FSTL5: variants seen among roughly 807,000 people sequenced by gnomAD.
FSTL5 encodes follistatin-related protein 5.
Under a neutral mutation model 89.1 loss-of-function variants are expected in FSTL5, and 62 were observed. The ratio of observed to expected loss-of-function variants is 0.70; its 90% confidence interval spans 0.57 to 0.86. The LOEUF is 0.86. FSTL5 is among the 40% of genes least tolerant of loss of function. The pLI is 0.00. For synonymous variants in FSTL5, 383 were observed against 346.2 expected (o/e 1.11, Z -1.18); for missense variants, 1,057 against 1,001.6 (o/e 1.06, Z -0.75).
At chr4:162,117,710 A>G (rs1731696056) in intron 1 of FSTL5, among the ~76,000 whole-genome samples, 1 of 152,228 alleles carries the variant, frequency 6.6e-6, no homozygotes, top group African/African-American at 2.4e-5. Context: ...CTGAATTGCT[A>G]CCTGGCTATT....
intron 4 of FSTL5, among the ~76,000 whole-genome samples, chr4:161,843,252 T>C (rs1731266430): frequency 6.6e-6 from 1 of 152,208 alleles, no homozygotes; most frequent in Non-Finnish European, 1.5e-5. Flanking sequence ...ATATGGGCTC[T>C]TTTTTAGTTC....
chr4:161,837,469 G>T (rs1731083409), intron 4 of FSTL5, among the ~76,000 whole-genome samples: 1 of 152,070 alleles, frequency 6.6e-6, no homozygotes, highest in Non-Finnish European at 1.5e-5. Flanking sequence ...TTGAAATTAG[G>T]GGAAAGTGTC....
chr4:161,971,490 T>G (rs968950759), intron 3 of FSTL5, among the ~76,000 whole-genome samples: 1 of 152,156 alleles, frequency 6.6e-6, no homozygotes, highest in Non-Finnish European at 1.5e-5. Context: ...TCCCAGAGAA[T>G]ACATTCTCAT....
At chr4:162,146,727 C>T (rs554314022) in intron 1 of FSTL5, among the ~76,000 whole-genome samples, 67 of 139,126 alleles carry the variant, frequency 4.8e-4, no homozygotes, top group African/African-American at 1.7e-3. Flanking sequence ...CTTCCCCTTC[C>T]TTCCCTCCTT....
At chr4:161,741,627 A>C (rs555452244) in intron 6 of FSTL5, among the ~76,000 whole-genome samples, 2 of 152,264 alleles carry the variant, frequency 1.3e-5, no homozygotes, top group Non-Finnish European at 2.9e-5. Context: ...GAATGAAGCA[A>C]AATACACAGG....
chr4:161,713,339 C>T (rs1738862114), intron 6 of FSTL5, among the ~76,000 whole-genome samples: 1 of 152,134 alleles, frequency 6.6e-6, no homozygotes, highest in Non-Finnish European at 1.5e-5. Context: ...AGAGTGTTTC[C>T]CAGTCCATGC....
intron 3 of FSTL5, among the ~76,000 whole-genome samples, chr4:161,941,990 C>T (rs1734601322): frequency 6.6e-6 from 1 of 151,720 alleles, no homozygotes; most frequent in African/African-American, 2.4e-5. Context: ...AAGAGAAAAA[C>T]CTGGACTATT....
chr4:161,708,689 T>C (rs989826020), intron 6 of FSTL5, among the ~76,000 whole-genome samples: 6 of 152,146 alleles, frequency 3.9e-5, no homozygotes, highest in African/African-American at 1.2e-4. Context: ...TGTTGCGTGA[T>C]GTTTTTACCC....
intron 4 of FSTL5, among the ~76,000 whole-genome samples, chr4:161,896,139 T>A (rs1392441292): frequency 6.6e-6 from 1 of 152,216 alleles, no homozygotes; most frequent in Non-Finnish European, 1.5e-5. Context: ...AATTCCATAA[T>A]GTTTCTAAAC....
intron 4 of FSTL5, among the ~76,000 whole-genome samples, 183 bp from the exon 5 acceptor site, chr4:161,776,257 CTT>C (rs1741409527): frequency 6.6e-6 from 1 of 151,970 alleles, no homozygotes; most frequent in Admixed American, 6.6e-5. Flanking sequence ...GGATAGAAAA[CTT>C]TTATCTCTAT....
chr4:161,637,604 G>A (rs1331658529), intron 7 of FSTL5, among the ~76,000 whole-genome samples: 1 of 138,740 alleles, frequency 7.2e-6, no homozygotes, highest in African/African-American at 2.7e-5. Context: ...TAGGTCTAAC[G>A]TTTAAATCTT....
At chr4:161,464,286 A>G (rs779378725) in intron 13 of FSTL5, among the ~76,000 whole-genome samples, 5 of 152,094 alleles carry the variant, frequency 3.3e-5, no homozygotes, top group Non-Finnish European at 2.9e-5. Flanking sequence ...TGTTCATCCA[A>G]TATGTCAGCC....
intron 3 of FSTL5, among the ~76,000 whole-genome samples, chr4:161,993,452 TATG>T (rs1412620970): frequency 1.5e-5 from 2 of 131,378 alleles, no homozygotes; most frequent in East Asian, 2.0e-4. Context: ...TTTACTTTTG[TATG>T]ATATTTAACT....
intron 4 of FSTL5, among the ~76,000 whole-genome samples, chr4:161,897,303 A>G (rs1392269732): frequency 6.6e-6 from 1 of 151,762 alleles, no homozygotes; most frequent in African/African-American, 2.4e-5. Flanking sequence ...ATATTTTTGA[A>G]AGTAATTCAT....
At chr4:162,037,125 G>C (rs1234549017) in intron 2 of FSTL5, among the ~76,000 whole-genome samples, 1 of 151,714 alleles carries the variant, frequency 6.6e-6, no homozygotes, top group Non-Finnish European at 1.5e-5. Flanking sequence ...GAAATTGAGA[G>C]GATTAGGATA....
At chr4:161,933,564 A>AG (rs1734350225) in intron 3 of FSTL5, among the ~76,000 whole-genome samples, 1 of 151,826 alleles carries the variant, frequency 6.6e-6, no homozygotes, top group African/African-American at 2.4e-5. Flanking sequence ...CTATTTTGAG[A>AG]GAAAAAAAAG....
chr4:161,733,411 T>C (rs1454355501), intron 6 of FSTL5, among the ~76,000 whole-genome samples: 1 of 152,036 alleles, frequency 6.6e-6, no homozygotes, highest in Admixed American at 6.6e-5. Context: ...GTAGATTTGT[T>C]GGGATAAGAG....
intron 4 of FSTL5, among the ~76,000 whole-genome samples, chr4:161,817,526 G>GA (rs1730364197): frequency 6.6e-6 from 1 of 152,018 alleles, no homozygotes; most frequent in Non-Finnish European, 1.5e-5. Flanking sequence ...AAATAAAAAA[G>GA]AAAAATCACT....
At chr4:162,141,610 C>G (rs1732749898) in intron 1 of FSTL5, among the ~76,000 whole-genome samples, 1 of 152,042 alleles carries the variant, frequency 6.6e-6, no homozygotes, top group Admixed American at 6.6e-5. Flanking sequence ...TCCTGAAGAG[C>G]AATGCAAATG....
Sources: gnomAD v4.1 joint callset for allele counts (sites outside exome capture counted in the v4.1 genomes callset) on GRCh38, gnomAD v4.1.1 for gene constraint, MANE v1.5 for transcripts, NCBI Gene and HGNC (gene_info 2026-07-23, HGNC 2026-07-21) for gene names.